WWOX: variants seen among roughly 807,000 people sequenced by gnomAD.
WWOX encodes the protein WW domain-containing oxidoreductase.
WWOX carries 69 observed loss-of-function variants against 46.2 expected under a neutral mutation model. That is an observed-to-expected ratio of 1.49 (90% confidence interval 1.23 to 1.82). The LOEUF is 1.82. Ranked by LOEUF, WWOX falls within the 40% of genes most tolerant of loss-of-function variation. The pLI is 0.00. For missense variants in WWOX, 919 were observed against 542.6 expected (o/e 1.69, Z -6.89); for synonymous variants, 359 against 202.6 (o/e 1.77, Z -6.56).
intron 8 of WWOX, chr16:78,897,241 A>T (rs920248007): frequency 1.7e-4 from 1 of 5,878 alleles, no homozygotes; most frequent in Non-Finnish European, 5.4e-4. Context: ...GACTGTCTTT[A>T]AAAAAAAAAA....
intron 8 of WWOX, among the ~76,000 whole-genome samples, chr16:79,079,652 A>T (rs952544874): frequency 2.6e-5 from 4 of 152,132 alleles, no homozygotes; most frequent in Non-Finnish European, 4.4e-5. Flanking sequence ...TCCTTCACTC[A>T]TCTTACCTCC....
intron 8 of WWOX, among the ~76,000 whole-genome samples, chr16:79,088,504 T>A (rs2048894780): frequency 6.6e-6 from 1 of 152,226 alleles, no homozygotes; most frequent in Admixed American, 6.5e-5. Flanking sequence ...AAGTCTTATC[T>A]GGGCCGCTGC....
At chr16:78,564,632 A>G (rs931703615) in intron 8 of WWOX, among the ~76,000 whole-genome samples, 2 of 152,162 alleles carry the variant, frequency 1.3e-5, no homozygotes, top group African/African-American at 4.8e-5. Flanking sequence ...TCTGAACCTC[A>G]TATCTGAGAA....
intron 8 of WWOX, among the ~76,000 whole-genome samples, chr16:79,126,610 A>T (rs1489837889): frequency 6.6e-6 from 1 of 152,178 alleles, no homozygotes; most frequent in Non-Finnish European, 1.5e-5. Context: ...TGAGTCAATT[A>T]AACCTCTTTC....
At chr16:78,800,070 C>T (rs2050846706) in intron 8 of WWOX, among the ~76,000 whole-genome samples, 2 of 152,182 alleles carry the variant, frequency 1.3e-5, no homozygotes, top group South Asian at 2.1e-4. Flanking sequence ...CATTGTTATC[C>T]TTCGGGTTGG....
chr16:78,550,100 G>C (rs1379105492), intron 8 of WWOX, among the ~76,000 whole-genome samples: 4 of 152,196 alleles, frequency 2.6e-5, no homozygotes, highest in Non-Finnish European at 5.9e-5. Context: ...AAGAGTGGCT[G>C]TGAATCTTTA....
At chr16:78,261,398 C>T (rs1427708922) in intron 5 of WWOX, among the ~76,000 whole-genome samples, 2 of 117,054 alleles carry the variant, frequency 1.7e-5, no homozygotes, top group African/African-American at 7.2e-5. Context: ...GAGCAAGACC[C>T]TGTCTCTAAA....
chr16:78,708,065 C>A (rs2048361588), intron 8 of WWOX, among the ~76,000 whole-genome samples: 2 of 151,928 alleles, frequency 1.3e-5, no homozygotes, highest in East Asian at 1.9e-4. Flanking sequence ...GTGGCTCACA[C>A]TTATAATCCC....
intron 8 of WWOX, among the ~76,000 whole-genome samples, chr16:78,778,574 A>G (rs2050248196): frequency 6.6e-6 from 1 of 152,128 alleles, no homozygotes; most frequent in Non-Finnish European, 1.5e-5. Flanking sequence ...GACGCAATAG[A>G]AATTCAAGGT....
chr16:78,673,174 C>G (rs576996408), intron 8 of WWOX, among the ~76,000 whole-genome samples: 1 of 152,252 alleles, frequency 6.6e-6, no homozygotes, highest in African/African-American at 2.4e-5. Flanking sequence ...CGGGAGGCTG[C>G]GGCCCTGTGA....
chr16:78,365,779 C>T (rs975348388), intron 5 of WWOX, among the ~76,000 whole-genome samples: 3 of 152,098 alleles, frequency 2.0e-5, no homozygotes, highest in Non-Finnish European at 2.9e-5. Flanking sequence ...CTTCTGCGTG[C>T]CCCTCCTCTA....
intron 8 of WWOX, among the ~76,000 whole-genome samples, chr16:78,706,416 C>A (rs1272852070): frequency 6.6e-6 from 1 of 152,090 alleles, no homozygotes; most frequent in African/African-American, 2.4e-5. Flanking sequence ...CCTGAGCCTT[C>A]CCGATTCCAT....
chr16:78,637,988 T>G (rs2046615115), intron 8 of WWOX, among the ~76,000 whole-genome samples: 1 of 152,150 alleles, frequency 6.6e-6, no homozygotes, highest in African/African-American at 2.4e-5. Context: ...ACTTTCAACT[T>G]GCTCACCTGT....
chr16:79,187,112 A>G (rs1348594397), intron 8 of WWOX, among the ~76,000 whole-genome samples: 1 of 152,162 alleles, frequency 6.6e-6, no homozygotes, highest in Non-Finnish European at 1.5e-5. Flanking sequence ...AATCATAGAC[A>G]CTGAGCCGAA....
At chr16:78,679,051 T>A (rs1443871077) in intron 8 of WWOX, among the ~76,000 whole-genome samples, 2 of 152,194 alleles carry the variant, frequency 1.3e-5, no homozygotes, top group Non-Finnish European at 2.9e-5. Flanking sequence ...CCAAGCCTGT[T>A]TCTAGAATCT....
chr16:78,625,082 A>G (rs1352914403), intron 8 of WWOX, among the ~76,000 whole-genome samples: 1 of 152,204 alleles, frequency 6.6e-6, no homozygotes, highest in African/African-American at 2.4e-5. Context: ...GCCGCCACAC[A>G]TGGCAGGTCC....
chr16:78,422,421 G>T (rs2082954257), intron 6 of WWOX, among the ~76,000 whole-genome samples: 1 of 151,180 alleles, frequency 6.6e-6, no homozygotes. Flanking sequence ...ATAGCTCATT[G>T]CAGCCCTTGA....
chr16:78,841,015 C>G (rs1340026743), intron 8 of WWOX, among the ~76,000 whole-genome samples: 1 of 152,040 alleles, frequency 6.6e-6, no homozygotes, highest in African/African-American at 2.4e-5. Context: ...CGGGTCCATC[C>G]TGTGATGCCA....
intron 8 of WWOX, among the ~76,000 whole-genome samples, chr16:78,874,904 A>G (rs928969426): frequency 6.6e-6 from 1 of 151,986 alleles, no homozygotes; most frequent in African/African-American, 2.4e-5. Flanking sequence ...GCTCCCCTTC[A>G]AGCATAGAGA....
Sources: allele counts gnomAD v4.1 joint callset (sites outside exome capture counted in the v4.1 genomes callset), GRCh38; gene constraint gnomAD v4.1.1; transcripts MANE v1.5; gene names NCBI Gene and HGNC (gene_info 2026-07-23, HGNC 2026-07-21).